The following CCDC144A variants were observed in gnomAD, a reference collection of about 807,000 sequenced individuals.
CCDC144A encodes coiled-coil domain containing 144A.
A neutral mutation model predicts 143.8 loss-of-function variants in CCDC144A; 41 were observed. The observed-to-expected ratio is 0.29, with a 90% CI of 0.22 to 0.37. The LOEUF (loss-of-function observed/expected upper bound fraction) is 0.37, where lower values mean the gene tolerates loss of function less well. CCDC144A is among the 10% of genes least tolerant of loss of function. The pLI is 1.00. For missense variants in CCDC144A, 637 were observed against 1,488.8 expected, an observed-to-expected ratio of 0.43 and a Z score of 9.41; for synonymous variants, 242 against 517.9, an observed-to-expected ratio of 0.47 and a Z score of 7.23.
chr17:16,740,298 A>G lies in CCDC144A; in HGVS notation c.3372+4655A>G, dbSNP rs1914202382. 2.6e-5 allele frequency among the ~76,000 whole-genome samples: 4 copies of G among 152,138 alleles called. No homozygotes were observed. In the South Asian group the frequency reaches 8.3e-4, roughly 32 times the overall value. ...GCTGAATCCTCTTCTTGGCACAGAT[A>G]CTACATTCTCAGAAACCAGAGTTCC... On this transcript the variant is annotated intron_variant, in intron 12 of 16. Coordinates refer to ENST00000399273, the MANE Select transcript of CCDC144A (RefSeq NM_001382000.1).
intron 12 of CCDC144A, among the ~76,000 whole-genome samples, chr17:16,740,182 C>T (rs1183486497): frequency 1.3e-5 from 2 of 152,012 alleles, no homozygotes; most frequent in African/African-American, 4.8e-5. Flanking sequence ...TGTCATCTTT[C>T]CTCATTGGAA....
At chr17:16,679,371 T>C in the CCDC144A span, among the ~76,000 whole-genome samples, 3 of 152,116 alleles carry the variant, frequency 2.0e-5, no homozygotes, top group Admixed American at 6.6e-5. Context: ...TAACAAATGA[T>C]AAACCTTATA....
intron 15 of CCDC144A, among the ~76,000 whole-genome samples, chr17:16,770,588 A>C (rs1199690071): frequency 1.3e-5 from 2 of 151,822 alleles, no homozygotes; most frequent in Non-Finnish European, 2.9e-5. Context: ...GGCAAGCTGC[A>C]GTCTCTCCGA....
intron 8 of CCDC144A, among the ~76,000 whole-genome samples, chr17:16,724,957 C>T (rs1913322101): frequency 7.6e-6 from 1 of 131,112 alleles, no homozygotes; most frequent in African/African-American, 2.8e-5. Context: ...AGCCGATTAA[C>T]TGAACTTTTA....
At chr17:16,756,813 T>TATGG (rs1915109217) in intron 12 of CCDC144A, among the ~76,000 whole-genome samples, 1 of 151,978 alleles carries the variant, frequency 6.6e-6, no homozygotes, top group African/African-American at 2.4e-5. Flanking sequence ...GTTGGTTGAA[T>TATGG]ATGGTGCTCT....
At chr17:16,699,464 C>T (rs1179296859) in intron 2 of CCDC144A, among the ~76,000 whole-genome samples, 8 of 122,564 alleles carry the variant, frequency 6.5e-5, no homozygotes, top group Admixed American at 1.8e-4. Flanking sequence ...CAAGCTCCGC[C>T]TCCCGGGTTC....
rs1263268845 is a variant in CCDC144A at position 16,701,875 on chromosome 17, G to A, written c.416-3276G>A. On this transcript the variant is annotated intron_variant, in intron 2 of 16. Coordinates refer to ENST00000399273, the MANE Select transcript of CCDC144A (RefSeq NM_001382000.1). ...AGGAGATGGGTCCAGATAGACTCTA[G>A]CGATGGGACGGGATAATCTCAGGAG... Among the ~76,000 whole-genome samples the A allele has an allele frequency of 6.0e-5, 9 of 149,174 alleles. No individual in the cohort carries two copies. The East Asian group carries it at 1.7e-3, about 29-fold the overall frequency.
At chr17:16,682,965 G>A in the CCDC144A span, among the ~76,000 whole-genome samples, 2 of 127,246 alleles carry the variant, frequency 1.6e-5, no homozygotes, top group East Asian at 4.8e-4. Context: ...GCAGCGGCTC[G>A]ATCTCAGCTC....
intron 2 of CCDC144A, among the ~76,000 whole-genome samples, chr17:16,699,854 A>C (rs1293919576): frequency 1.3e-5 from 2 of 152,174 alleles, no homozygotes; most frequent in African/African-American, 4.8e-5. Flanking sequence ...CATCAGTTTC[A>C]TGCATTTTTA....
In CCDC144A at chr17:16,777,376, A is replaced by G. The variant is rs534484419; in HGVS notation, c.*3743A>G. On this transcript the variant is annotated 3_prime_UTR_variant, in exon 17 of 17. Transcript: ENST00000399273. The stretch of plus-strand genomic sequence containing the variant: ...GAACATATGGACTTAACAGATGCTT[A>G]CAGAACATTCTACCCAACAAGCATA... 27 of 152,308 alleles carry G rather than the reference A, an allele frequency of 1.8e-4. No individual in the cohort carries two copies. Among genetic ancestry groups the G allele is most frequent in the African/African-American group, 6.5e-4 (27 of 41,542 alleles). The allele number at this position is 152,308 out of a possible 1,614,324, so 9.4% of individuals were successfully genotyped here.
At chr17:16,729,991 T>TACACACAA (rs1555533309) in intron 9 of CCDC144A, among the ~76,000 whole-genome samples, 1 of 114,886 alleles carries the variant, frequency 8.7e-6, no homozygotes, top group Non-Finnish European at 1.9e-5. Flanking sequence ...TATATATATA[T>TACACACAA]ACACACATAC....
At chr17:16,703,701 C>T (rs7342865) in intron 2 of CCDC144A, among the ~76,000 whole-genome samples, 1 of 151,124 alleles carries the variant, frequency 6.6e-6, no homozygotes, top group Admixed American at 6.6e-5. Context: ...CTACTCGGGA[C>T]GCTGAGGCAG....
At chr17:16,726,927 AG>A (rs1402846335) in intron 8 of CCDC144A, 1 of 133,806 alleles carries the variant, frequency 7.5e-6, no homozygotes, top group Non-Finnish European at 1.6e-5. Flanking sequence ...CCGTGAAGGC[AG>A]GGAGCTGGAG....
intron 12 of CCDC144A, among the ~76,000 whole-genome samples, chr17:16,750,620 A>G (rs970015469): frequency 4.0e-5 from 6 of 151,830 alleles, no homozygotes; most frequent in African/African-American, 1.5e-4. Flanking sequence ...CATGGACTAT[A>G]TCCTCAGACA....
intron 16 of CCDC144A, among the ~76,000 whole-genome samples, chr17:16,773,212 C>T (rs1346909920): frequency 2.0e-5 from 3 of 151,882 alleles, no homozygotes; most frequent in Admixed American, 6.6e-5. Context: ...ACTTTGGGAG[C>T]CTGAGGCAGG....
In CCDC144A at chr17:16,770,460, T is replaced by TA. The variant is rs535397175; in HGVS notation, c.4099-1512dup. Among the ~76,000 whole-genome samples the TA allele has an allele frequency of 7.2e-4, 109 of 152,322 alleles. 1 individual carries two copies. The South Asian group carries it at 0.022, about 30-fold the overall frequency. ...CACCGTGCCCAGCCTGAGTTATTTT[T>TA]AAAAATCTGTATTTCTTTTCTGAAT... On this transcript the variant is annotated intron_variant, in intron 15 of 16. Coordinates refer to ENST00000399273, the MANE Select transcript of CCDC144A (RefSeq NM_001382000.1).
At chr17:16,744,264 C>A (rs1028576427) in intron 12 of CCDC144A, among the ~76,000 whole-genome samples, 8 of 152,200 alleles carry the variant, frequency 5.3e-5, no homozygotes, top group Non-Finnish European at 1.2e-4. Context: ...AGAGAAACCT[C>A]CAAACTGCTT....
At chr17:16,668,349 T>C in the CCDC144A span, among the ~76,000 whole-genome samples, 9 of 152,204 alleles carry the variant, frequency 5.9e-5, no homozygotes, top group Non-Finnish European at 1.3e-4. Flanking sequence ...CATATTTAAG[T>C]TTATTTTCCT....
intron 6 of CCDC144A, among the ~76,000 whole-genome samples, chr17:16,714,334 CTGTT>C (rs926802746): frequency 2.0e-5 from 3 of 152,324 alleles, no homozygotes; most frequent in East Asian, 1.9e-4. Context: ...CTTGACATCT[CTGTT>C]TGATTGGTCA....
Sources: gnomAD v4.1 joint callset for allele counts (sites outside exome capture counted in the v4.1 genomes callset) on GRCh38, gnomAD v4.1.1 for gene constraint, MANE v1.5 for transcripts, NCBI Gene and HGNC (gene_info 2026-07-23, HGNC 2026-07-21) for gene names.